SNX29: variants seen among roughly 807,000 people sequenced by gnomAD.
SNX29 encodes sorting nexin-29.
Under a neutral mutation model 102.1 loss-of-function variants are expected in SNX29, and 78 were observed. That is an observed-to-expected ratio of 0.76 (90% CI 0.64 to 0.92). The LOEUF (loss-of-function observed/expected upper bound fraction) is 0.92. SNX29 is among the 40% of genes least tolerant of loss of function. The probability of loss-of-function intolerance (pLI) is 0.00; values close to 1 mark genes in which losing one functional copy is unlikely to be tolerated. For synonymous variants in SNX29, 580 were observed against 414.5 expected, an observed-to-expected ratio of 1.40 and a Z score of -4.85; for missense variants, 1,280 against 1,061.7, an observed-to-expected ratio of 1.21 and a Z score of -2.86.
At chr16:12,385,112 A>G (rs767614171) in intron 16 of SNX29, among the ~76,000 whole-genome samples, 10 of 152,204 alleles carry the variant, frequency 6.6e-5, no homozygotes, top group Non-Finnish European at 1.2e-4. Flanking sequence ...AGAGGTTGCA[A>G]TGAGCCTGAG....
chr16:12,014,077 G>A (rs967606862), intron 3 of SNX29, among the ~76,000 whole-genome samples: 1 of 152,040 alleles, frequency 6.6e-6, no homozygotes, highest in Non-Finnish European at 1.5e-5. Flanking sequence ...GACTCCAGGT[G>A]CATGCCACTG....
chr16:12,403,300 T>A, intron 17 of SNX29, 148 bp from the exon 18 acceptor site: 1 of 529,946 alleles, frequency 1.9e-6, no homozygotes. Flanking sequence ...TCCTTTAGCT[T>A]GCCATCAGGT....
chr16:12,289,803 A>G (rs1479130325), intron 15 of SNX29, among the ~76,000 whole-genome samples: 1 of 152,078 alleles, frequency 6.6e-6, no homozygotes, highest in Non-Finnish European at 1.5e-5. Context: ...AGTGGCTTCA[A>G]GAAGCCACTT....
chr16:12,491,225 G>A (rs547487444), intron 19 of SNX29, among the ~76,000 whole-genome samples: 6 of 152,306 alleles, frequency 3.9e-5, no homozygotes, highest in African/African-American at 1.4e-4. Flanking sequence ...TGTGGCATTA[G>A]CATCCTTGTA....
chr16:12,238,855 A>G (rs1176825511), intron 14 of SNX29, among the ~76,000 whole-genome samples: 2 of 152,108 alleles, frequency 1.3e-5, no homozygotes, highest in South Asian at 2.1e-4. Flanking sequence ...GGTCCACTTT[A>G]TCTTTCTGCT....
chr16:12,195,173 G>T (rs777833764), intron 13 of SNX29, among the ~76,000 whole-genome samples: 1 of 152,116 alleles, frequency 6.6e-6, no homozygotes, highest in Non-Finnish European at 1.5e-5. Flanking sequence ...GTGTGTGTGT[G>T]TATATACGTA....
intron 20 of SNX29, among the ~76,000 whole-genome samples, chr16:12,555,296 CCAGT>C (rs1232817076): frequency 6.6e-6 from 1 of 151,370 alleles, no homozygotes; most frequent in Non-Finnish European, 1.5e-5. Flanking sequence ...GGGGTGCTGT[CCAGT>C]CAATCCCTCT....
chr16:11,982,119 A>G (rs982176710), intron 1 of SNX29, among the ~76,000 whole-genome samples: 5 of 152,164 alleles, frequency 3.3e-5, no homozygotes, highest in African/African-American at 7.2e-5. Context: ...ACTGAAGACA[A>G]TATTTATGGA....
intron 16 of SNX29, among the ~76,000 whole-genome samples, chr16:12,388,084 C>G (rs2083397175): frequency 6.6e-6 from 1 of 152,254 alleles, no homozygotes; most frequent in South Asian, 2.1e-4. Flanking sequence ...AGCATCTTCT[C>G]TTCCCTTTCG....
intron 15 of SNX29, among the ~76,000 whole-genome samples, chr16:12,322,778 A>T (rs1040120954): frequency 6.8e-6 from 1 of 148,086 alleles, no homozygotes; most frequent in African/African-American, 2.5e-5. Context: ...GTCAGGATGC[A>T]GTCAGTAGGG....
chr16:12,519,880 C>T (rs111235263), intron 19 of SNX29, among the ~76,000 whole-genome samples: 23,048 of 152,008 alleles, frequency 0.15, 2,340 homozygotes, highest in Middle Eastern at 0.3. Flanking sequence ...TGGTGGTGTG[C>T]CCCTGTAGTC....
intron 15 of SNX29, among the ~76,000 whole-genome samples, chr16:12,321,255 A>G (rs189235564): frequency 6.6e-6 from 1 of 152,088 alleles, no homozygotes; most frequent in Non-Finnish European, 1.5e-5. Context: ...GACCAAAGCC[A>G]CCTTGTCTTC....
rs112006964 is a variant in SNX29, at chr16:12,561,887, C to T, written c.2319-6619C>T. Among the ~76,000 whole-genome samples, 122 of 152,210 alleles carry T rather than the reference C, an allele frequency of 8.0e-4. 1 individual carries two copies. The highest frequency in any genetic ancestry group is 2.0e-3 in the African/African-American group (83 of 41,530). On this transcript the variant is annotated intron_variant, in intron 20 of 20. Coordinates refer to ENST00000566228, the MANE Select transcript of SNX29 (RefSeq NM_032167.5). ...ACTTATGGGCTGTCTCCTAGGTGAC[C>T]GTGGCATCCCAGGAGTTCCTTCTCC...
intron 14 of SNX29, among the ~76,000 whole-genome samples, chr16:12,233,150 C>G (rs563715030): frequency 1.3e-5 from 2 of 152,298 alleles, no homozygotes; most frequent in South Asian, 4.1e-4. Context: ...TCCTCCTCCT[C>G]CTTCCTCCCT....
rs147249302 is a variant in SNX29, at chr16:12,295,181, G to A, written c.1782+17145G>A. On this transcript the variant is annotated intron_variant, in intron 15 of 20. Coordinates refer to ENST00000566228, the MANE Select transcript of SNX29 (RefSeq NM_032167.5). The stretch of plus-strand genomic sequence containing the variant: ...CAAGTCAAGATGAGATTTGGGCCGG[G>A]GCACACCTAAACCATATCCCTTCCC... Among the ~76,000 whole-genome samples, 30 of 152,250 alleles carry A rather than the reference G, an allele frequency of 2.0e-4. No homozygotes were observed. In the East Asian group the frequency reaches 5.6e-3, roughly 28 times the overall value.
At chr16:12,459,157 C>A (rs1231440713) in intron 18 of SNX29, among the ~76,000 whole-genome samples, 1 of 135,432 alleles carries the variant, frequency 7.4e-6, no homozygotes, top group Non-Finnish European at 1.6e-5. Flanking sequence ...CTCTCCACTT[C>A]CCCTCCTCCC....
intron 3 of SNX29, among the ~76,000 whole-genome samples, chr16:12,003,983 C>A (rs2056375653): frequency 6.6e-6 from 1 of 152,058 alleles, no homozygotes; most frequent in Non-Finnish European, 1.5e-5. Flanking sequence ...TTGCAGTGAG[C>A]TGAGATCGCG....
chr16:12,121,969 T>A (rs894376805), intron 11 of SNX29, among the ~76,000 whole-genome samples: 6 of 152,008 alleles, frequency 3.9e-5, no homozygotes, highest in Non-Finnish European at 7.4e-5. Flanking sequence ...GCACGCACCA[T>A]CACGCCTGGC....
chr16:12,560,866 T>G (rs752836723), intron 20 of SNX29: 2 of 185,506 alleles, frequency 1.1e-5, no homozygotes, highest in African/African-American at 2.3e-5. Flanking sequence ...TTGGTGTTAG[T>G]CCTTTAGTTC....
Sources: allele counts gnomAD v4.1 joint callset (sites outside exome capture counted in the v4.1 genomes callset), GRCh38; gene constraint gnomAD v4.1.1; transcripts MANE v1.5; gene names NCBI Gene and HGNC (gene_info 2026-07-23, HGNC 2026-07-21).